The following USP34 variants were observed in gnomAD, a reference collection of about 807,000 sequenced individuals.
The protein encoded by USP34 is ubiquitin carboxyl-terminal hydrolase 34.
Under a neutral mutation model 460.3 loss-of-function variants are expected in USP34, and 70 were observed. The observed-to-expected ratio is 0.15, with a 90% confidence interval of 0.13 to 0.19. USP34 has a LOEUF of 0.19. Among genes scored for constraint, USP34 ranks in the 10% least tolerant of loss-of-function variants. The probability of loss-of-function intolerance (pLI) is 1.00; values close to 1 mark genes in which losing one functional copy is unlikely to be tolerated. For synonymous variants in USP34, 1,647 were observed against 1,405.3 expected (o/e 1.17, Z -3.85); for missense variants, 3,985 against 4,236.2 (o/e 0.94, Z 1.65).
Position 61,420,859 on chromosome 2 carries a change from T to C in USP34, c.44-26A>G, listed in dbSNP as rs748995568. On this transcript the variant is annotated intron_variant, in intron 1 of 79. Coordinates refer to ENST00000398571, the MANE Select transcript of USP34 (RefSeq NM_014709.4). ...CTGAAATAAAAAAGAAATTTTAAAA[T>C]TATGAATAATGCTAAACCAGTATTA... is the stretch of plus-strand genomic sequence containing the variant. The C allele has an allele frequency of 5.8e-6, 9 of 1,555,498 alleles. No homozygotes were observed. The African/African-American group carries it at 1.1e-4, about 19-fold the overall frequency.
intron 69 of USP34, 82 bp from the exon 70 acceptor site, chr2:61,209,059 AATC>A: frequency 2.4e-6 from 2 of 837,414 alleles, no homozygotes; most frequent in South Asian, 2.9e-5. Context: ...AAAGAAATAA[AATC>A]ATCATTTAAG....
chr2:61,446,699 G>C (rs1416741231), intron 1 of USP34, among the ~76,000 whole-genome samples: 1 of 151,884 alleles, frequency 6.6e-6, no homozygotes, highest in African/African-American at 2.4e-5. Flanking sequence ...AGGAGGCTGA[G>C]GTGAGAGAAT....
intron 41 of USP34, among the ~76,000 whole-genome samples, chr2:61,267,624 G>C (rs990438250): frequency 2.6e-5 from 4 of 150,946 alleles, no homozygotes; most frequent in Non-Finnish European, 5.9e-5. Context: ...TTGTGGTTTT[G>C]TTTGTTTGAG....
chr2:61,420,541 G>T (rs1488588061), intron 2 of USP34, among the ~76,000 whole-genome samples: 2 of 152,072 alleles, frequency 1.3e-5, no homozygotes, highest in African/African-American at 4.8e-5. Flanking sequence ...AGGGGTCAAA[G>T]AAAGAAACTG....
At chr2:61,362,060 T>G (rs932039723) in intron 10 of USP34, among the ~76,000 whole-genome samples, 26 of 152,206 alleles carry the variant, frequency 1.7e-4, no homozygotes, top group African/African-American at 6.3e-4. Flanking sequence ...CCAATAGGTA[T>G]AAAAGCTGCT....
At chr2:61,456,740 C>A (rs1049673019) in intron 1 of USP34, among the ~76,000 whole-genome samples, 5 of 152,104 alleles carry the variant, frequency 3.3e-5, no homozygotes, top group Admixed American at 3.3e-4. Context: ...ATAGTTTGAG[C>A]CCAGGAGTTC....
In USP34 at chr2:61,470,749, C is replaced by A. The variant is rs1187089562; in HGVS notation, c.-57G>T. ...TCGGATCACACTGACTGATCCCGACCGGCGGGGGGGAGGGGAGAGAGGCGG... is the reference window on the plus strand; with the variant it reads ...TCGGATCACACTGACTGATCCCGACAGGCGGGGGGGAGGGGAGAGAGGCGG... On this transcript the variant is annotated 5_prime_UTR_variant, in exon 1 of 80. Coordinates refer to ENST00000398571, the MANE Select transcript of USP34 (RefSeq NM_014709.4). The A allele has an allele frequency of 2.1e-6, 3 of 1,406,274 alleles. No homozygotes were observed. The African/African-American group carries it at 4.5e-5, about 21-fold the overall frequency. The allele number at this position is 1,406,274 out of a possible 1,614,324, so 87.1% of individuals were successfully genotyped here.
At chr2:61,251,779 G>T (rs1380092209) in intron 48 of USP34, among the ~76,000 whole-genome samples, 3 of 152,010 alleles carry the variant, frequency 2.0e-5, no homozygotes, top group Admixed American at 6.6e-5. Flanking sequence ...TTTACATAAG[G>T]TTTAACATCA....
chr2:61,229,484 AAAAACAAAAACACC>A, intron 59 of USP34, 50 bp downstream of exon 59: 3 of 798,904 alleles, frequency 3.8e-6, no homozygotes, highest in South Asian at 3.8e-5. Context: ...AACAAAAAAA[AAAAACAAAAACACC>A]ACACACACAC....
intron 8 of USP34, among the ~76,000 whole-genome samples, chr2:61,375,835 A>C (rs1208482552): frequency 6.6e-6 from 1 of 151,348 alleles, no homozygotes; most frequent in Non-Finnish European, 1.5e-5. Context: ...TACTTGATCA[A>C]GTGTGGTATA....
intron 5 of USP34, among the ~76,000 whole-genome samples, chr2:61,393,429 TAAAA>T (rs33954205): frequency 7.7e-6 from 1 of 129,882 alleles, no homozygotes. Context: ...AGACTCCGTC[TAAAA>T]AAAAAAAAAA....
In USP34 at chr2:61,319,164, T is replaced by C. The variant is rs763950735; in HGVS notation, c.3168+9A>G. On this transcript the variant is annotated intron_variant, in intron 22 of 79. Transcript: ENST00000398571. ...AAAAATAATAACAAACTGAGAGAAA[T>C]GTAATTACCTTCTCCAGGAAAAGAT... is the stretch of plus-strand genomic sequence containing the variant. The C allele has an allele frequency of 9.1e-6, 14 of 1,540,496 alleles. No homozygotes were observed. In the South Asian group the frequency reaches 1.2e-4, roughly 13 times the overall value.
At position 61,332,484 on chromosome 2, in the gene USP34, C is replaced by T. The variant is rs1691299833; in HGVS notation, c.2835-1113G>A. On this transcript the variant is annotated intron_variant, in intron 19 of 79. Transcript: ENST00000398571. ...AGTTTCAACTCAATATATTTAGGTTCGGGTACTTGATTAAGTAACTGAATA... is the reference window on the plus strand; with the variant it reads ...AGTTTCAACTCAATATATTTAGGTTTGGGTACTTGATTAAGTAACTGAATA... 1.3e-5 allele frequency among the ~76,000 whole-genome samples: 2 copies of T among 151,990 alleles called. 1 individual carries two copies. Among genetic ancestry groups the T allele is most frequent in the Middle Eastern group, 6.8e-3 (2 of 294 alleles).
intron 27 of USP34, among the ~76,000 whole-genome samples, chr2:61,308,781 C>G (rs1690492349): frequency 6.6e-6 from 1 of 152,144 alleles, no homozygotes; most frequent in Non-Finnish European, 1.5e-5. Flanking sequence ...TGGCTCATGT[C>G]TGTAATACCA....
chr2:61,338,796 A>G (rs981357622), intron 18 of USP34, among the ~76,000 whole-genome samples: 1 of 152,224 alleles, frequency 6.6e-6, no homozygotes, highest in African/African-American at 2.4e-5. Flanking sequence ...TAATCTGTTT[A>G]AAAACAAAAA....
rs765363734 is a variant in USP34, at chr2:61,283,232, A to G, written c.4911T>C (p.Ala1637=). The stretch of plus-strand genomic sequence containing the variant: ...TAGATTTCACTAAAGAACAGCAATG[A>G]GCCCAACTCACCAAGAGCCACATTG... ...HYSMWLLVSW[A]HCCSLVKSSL... The change falls in exon 37 of 80, where the codon GCT becomes GCC. Residue 1637 remains alanine, a synonymous_variant. Transcript: ENST00000398571. 3.1e-6 allele frequency: 5 copies of G among 1,613,602 alleles called. No homozygotes were observed. Among genetic ancestry groups the G allele is most frequent in the South Asian group, 2.2e-5 (2 of 91,062 alleles).
At chr2:61,329,402 T>C (rs115711581) in intron 20 of USP34, among the ~76,000 whole-genome samples, 2,881 of 152,024 alleles carry the variant, frequency 0.019, 48 homozygotes, top group Non-Finnish European at 0.031. Flanking sequence ...TCTGCTTCAA[T>C]AGGAAAAAAG....
At chr2:61,370,867 G>A (rs1692601856) in intron 8 of USP34, among the ~76,000 whole-genome samples, 1 of 152,282 alleles carries the variant, frequency 6.6e-6, no homozygotes, top group East Asian at 1.9e-4. Context: ...TATCCTACTC[G>A]AGGTCTTTGC....
chr2:61,447,828 G>A (rs1363624039), intron 1 of USP34, among the ~76,000 whole-genome samples: 2 of 152,084 alleles, frequency 1.3e-5, no homozygotes, highest in Non-Finnish European at 2.9e-5. Flanking sequence ...CCATTCTCCT[G>A]CCTCAGCCTC....
Sources: gnomAD v4.1 joint callset for allele counts (sites outside exome capture counted in the v4.1 genomes callset) on GRCh38, gnomAD v4.1.1 for gene constraint, MANE v1.5 for transcripts, NCBI Gene and HGNC (gene_info 2026-07-23, HGNC 2026-07-21) for gene names.